Variants in ATRN observed in about 807,000 individuals in gnomAD.
ATRN encodes the protein attractin-2.
In ATRN, 54 loss-of-function variants were observed where a neutral mutation model predicts 178.7. That is an observed-to-expected ratio of 0.30 (90% CI 0.24 to 0.38). ATRN has a LOEUF of 0.38. ATRN is among the 10% of genes least tolerant of loss of function. The pLI is 1.00. For missense variants in ATRN, 1,443 were observed against 1,815.1 expected (o/e 0.79, Z 3.73); for synonymous variants, 636 against 663.0 (o/e 0.96, Z 0.63).
At chr20:3,590,454 C>T (rs1400447629) in intron 18 of ATRN, among the ~76,000 whole-genome samples, 2 of 152,162 alleles carry the variant, frequency 1.3e-5, no homozygotes, top group East Asian at 1.9e-4. Flanking sequence ...CTGCAGTGCA[C>T]AGCCTGTGCA....
intron 1 of ATRN, among the ~76,000 whole-genome samples, chr20:3,530,721 G>A (rs1253036390): frequency 1.3e-5 from 2 of 151,946 alleles, no homozygotes; most frequent in African/African-American, 4.8e-5. Context: ...TTTTTTTAAT[G>A]TCCAAGGAAC....
intron 1 of ATRN, among the ~76,000 whole-genome samples, chr20:3,485,533 G>C (rs1362467227): frequency 1.3e-5 from 2 of 148,164 alleles, no homozygotes; most frequent in Non-Finnish European, 3.0e-5. Context: ...TTGTATTCCT[G>C]AGTTGAACCC....
intron 1 of ATRN, among the ~76,000 whole-genome samples, chr20:3,518,363 C>T (rs1369637734): frequency 6.6e-6 from 1 of 152,182 alleles, no homozygotes; most frequent in Non-Finnish European, 1.5e-5. Flanking sequence ...AGTCCCGGCC[C>T]AACTTAAAAT....
At chr20:3,600,329 C>T (rs1229020038) in intron 22 of ATRN, among the ~76,000 whole-genome samples, 3 of 152,042 alleles carry the variant, frequency 2.0e-5, no homozygotes, top group Admixed American at 6.5e-5. Context: ...ACTAAGAAGC[C>T]ATACTCAATC....
chr20:3,641,405 A>G (rs1057290254), intron 27 of ATRN, among the ~76,000 whole-genome samples: 1 of 151,940 alleles, frequency 6.6e-6, no homozygotes, highest in African/African-American at 2.4e-5. Flanking sequence ...AGCCTGGCCA[A>G]CATGGTGAAA....
chr20:3,574,543 A>C (rs2086176340), intron 12 of ATRN, among the ~76,000 whole-genome samples: 1 of 152,206 alleles, frequency 6.6e-6, no homozygotes, highest in African/African-American at 2.4e-5. Flanking sequence ...CACCCAGGCA[A>C]CCCACTCAGG....
At chr20:3,613,373 C>T (rs1030473531) in intron 24 of ATRN, among the ~76,000 whole-genome samples, 2 of 152,160 alleles carry the variant, frequency 1.3e-5, no homozygotes, top group African/African-American at 2.4e-5. Flanking sequence ...GCTTTGGGGA[C>T]CGTATCTGGC....
Position 3,638,870 on chromosome 20 carries a change from G to A in ATRN, c.3985G>A (p.Ala1329Thr), listed in dbSNP as rs1484612206. The A allele has an allele frequency of 6.2e-7, 1 of 1,614,138 alleles. No individual in the cohort carries two copies. The highest frequency in any genetic ancestry group is 8.5e-7 in the Non-Finnish European group (1 of 1,180,020). The change falls in exon 27 of 29, where the codon GCC becomes ACC. Residue 1329 changes from alanine (A) to threonine (T), a missense_variant. Coordinates refer to ENST00000262919, the MANE Select transcript of ATRN (RefSeq NM_139321.3). This position sits in a 1 kb window ranked among gnomAD's most constrained non-coding sequence, Gnocchi z 4.5. ...GCAACAGATGGCCAGCCGTCCCTTT[G>A]CCTCTGTAAATGTCGCCTTGGAAAC... ...EMQQMASRPFASVNVALETDE... is the reference protein window; with the variant it reads ...EMQQMASRPFTSVNVALETDE...
chr20:3,614,124 C>A (rs1285702300), intron 24 of ATRN, among the ~76,000 whole-genome samples: 2 of 152,164 alleles, frequency 1.3e-5, no homozygotes. Context: ...ACTGAAAAGT[C>A]CTGTTTCTGG....
chr20:3,643,507 T>TAA lies in ATRN; in HGVS notation c.4051-637_4051-636dup, dbSNP rs545839327. ...ATAGTGAGACCCCATTTCTATTCTT[T>TAA]AAAAAAAAAAAGGAAAGGAAAGAAA... On this transcript the variant is annotated intron_variant, in intron 27 of 28. Transcript: ENST00000262919. Among the ~76,000 whole-genome samples, 66 of 144,158 alleles carry TAA rather than the reference T, an allele frequency of 4.6e-4. 1 individual carries two copies. The highest frequency in any genetic ancestry group is 4.1e-3 in the Admixed American group (60 of 14,476). The allele number at this position is 144,158 out of a possible 152,430, so 94.6% of individuals were successfully genotyped here.
chr20:3,587,719 A>G (rs775614288), intron 18 of ATRN, among the ~76,000 whole-genome samples: 11 of 152,122 alleles, frequency 7.2e-5, no homozygotes, highest in Non-Finnish European at 1.2e-4. Context: ...GGTTTCTTGC[A>G]TGTTCATATT....
intron 24 of ATRN, among the ~76,000 whole-genome samples, chr20:3,616,207 C>T (rs945280115): frequency 1.8e-4 from 28 of 152,146 alleles, no homozygotes; most frequent in African/African-American, 6.3e-4. Context: ...CATCTGGGAA[C>T]ATTGCCTTTG....
intron 6 of ATRN, among the ~76,000 whole-genome samples, chr20:3,551,902 A>G (rs78902240): frequency 0.013 from 2,034 of 152,192 alleles, 45 homozygotes; most frequent in African/African-American, 0.047. Flanking sequence ...GCATCATTCA[A>G]ATGTTCTGTA....
At chr20:3,631,520 TCCTTAA>T (rs1178790142) in intron 25 of ATRN, among the ~76,000 whole-genome samples, 70 of 152,154 alleles carry the variant, frequency 4.6e-4, no homozygotes, top group African/African-American at 1.6e-3. Context: ...GGAAGGAGCC[TCCTTAA>T]AGAGGGAAAT....
chr20:3,534,346 T>TA (rs1325044686), intron 1 of ATRN, among the ~76,000 whole-genome samples: 2 of 152,092 alleles, frequency 1.3e-5, no homozygotes, highest in Non-Finnish European at 2.9e-5. Flanking sequence ...GTAATGTTGT[T>TA]ACTGGTAATA....
intron 1 of ATRN, among the ~76,000 whole-genome samples, chr20:3,505,744 T>C (rs2085034462): frequency 6.6e-6 from 1 of 152,124 alleles, no homozygotes; most frequent in Non-Finnish European, 1.5e-5. Flanking sequence ...TCACTTCAAA[T>C]TGAATAATGT....
chr20:3,492,548 T>G (rs2084809460), intron 1 of ATRN, among the ~76,000 whole-genome samples: 1 of 152,010 alleles, frequency 6.6e-6, no homozygotes, highest in Non-Finnish European at 1.5e-5. Flanking sequence ...GTTTTTGAGC[T>G]TGGGGTAGAG....
chr20:3,576,646 C>T (rs2086212875), intron 13 of ATRN, among the ~76,000 whole-genome samples: 1 of 151,566 alleles, frequency 6.6e-6, no homozygotes, highest in Admixed American at 6.6e-5. Context: ...TTGCAGTGTT[C>T]CCCACTGCAG....
chr20:3,562,927 C>T (rs1027130119), intron 9 of ATRN, among the ~76,000 whole-genome samples: 1 of 152,120 alleles, frequency 6.6e-6, no homozygotes, highest in African/African-American at 2.4e-5. Context: ...ATGCATTAAG[C>T]TTCTGTCAAT....
Sources: allele counts gnomAD v4.1 joint callset (sites outside exome capture counted in the v4.1 genomes callset), GRCh38; gene constraint gnomAD v4.1.1; non-coding constraint Gnocchi (gnomAD v3.1); transcripts MANE v1.5; gene names NCBI Gene and HGNC (gene_info 2026-07-23, HGNC 2026-07-21).